Variants in MCM5 observed in about 807,000 individuals in gnomAD.
MCM5 encodes the protein DNA replication licensing factor MCM5.
MCM5 carries 46 observed loss-of-function variants against 79.9 expected under a neutral mutation model. The ratio of observed to expected loss-of-function variants is 0.58; its 90% CI spans 0.45 to 0.74. MCM5 has a LOEUF of 0.74. Among genes scored for constraint, MCM5 ranks in the 30% least tolerant of loss-of-function variants. MCM5 has a pLI of 0.00. For synonymous variants in MCM5, 404 were observed against 390.5 expected, an observed-to-expected ratio of 1.03 and a Z score of -0.41; for missense variants, 883 against 1,017.0, an observed-to-expected ratio of 0.87 and a Z score of 1.79.
At chr22:35,403,567 G>GC (rs1932125781) in intron 4 of MCM5, 25 bp downstream of exon 4, 1 of 1,609,352 alleles carries the variant, frequency 6.2e-7, no homozygotes, top group African/African-American at 1.3e-5. Context: ...AGTGGCTGCT[G>GC]CATGGTGCAG....
the MCM5 span, among the ~76,000 whole-genome samples, chr22:35,453,088 G>A: frequency 6.6e-6 from 1 of 152,172 alleles, no homozygotes; most frequent in Non-Finnish European, 1.5e-5. Flanking sequence ...TGGGGAAGGG[G>A]CTCTCACTGG....
intron 13 of MCM5, among the ~76,000 whole-genome samples, chr22:35,418,308 C>T (rs1201112163): frequency 6.6e-6 from 1 of 152,136 alleles, no homozygotes; most frequent in Non-Finnish European, 1.5e-5. Flanking sequence ...TGGGTAAATA[C>T]TCAGTGAGTC....
At chr22:35,405,477 C>G (rs528763580) in intron 4 of MCM5, among the ~76,000 whole-genome samples, 4 of 151,970 alleles carry the variant, frequency 2.6e-5, no homozygotes, top group African/African-American at 7.2e-5. Flanking sequence ...AGCAATTCTC[C>G]GGCCTCAGCC....
At position 35,408,498 on chromosome 22, in the gene MCM5, G is replaced by C. The variant is rs1164403366; in HGVS notation, c.687G>C (p.Leu229=). Residue 229 remains leucine, a synonymous_variant, in exon 6 of 17, where the codon CTG becomes CTC. Transcript: ENST00000216122. ...CKCVDFQTLK[L]QELPDAVPHG... is the part of the protein sequence containing the mutation. Reference sequence around the variant, plus strand: ...GCGTGGACTTCCAGACCCTGAAGCTGCAGGAGCTGCCTGATGCAGTCCCCC... The same window carrying C: ...GCGTGGACTTCCAGACCCTGAAGCTCCAGGAGCTGCCTGATGCAGTCCCCC... The C allele has an allele frequency of 6.2e-7, 1 of 1,614,206 alleles. No homozygotes were observed. The highest frequency in any genetic ancestry group is 1.1e-5 in the South Asian group (1 of 91,078).
chr22:35,429,129 G>A (rs1932796947), downstream of MCM5, among the ~76,000 whole-genome samples: 2 of 151,938 alleles, frequency 1.3e-5, no homozygotes, highest in African/African-American at 4.8e-5. Flanking sequence ...GGGATTACAG[G>A]TGCCTGCCAC....
chr22:35,414,083 T>C, intron 9 of MCM5, 97 bp downstream of exon 9: 1 of 718,924 alleles, frequency 1.4e-6, no homozygotes, highest in Non-Finnish European at 2.5e-6. Flanking sequence ...GTGGGCTGGC[T>C]CACCCGGAAT....
chr22:35,445,769 C>T, the MCM5 span, among the ~76,000 whole-genome samples: 1 of 152,118 alleles, frequency 6.6e-6, no homozygotes, highest in Non-Finnish European at 1.5e-5. Flanking sequence ...CCTTGGCCTC[C>T]AAAAGTGCTG....
At chr22:35,414,543 C>G (rs890397407) in intron 9 of MCM5, among the ~76,000 whole-genome samples, 1 of 151,886 alleles carries the variant, frequency 6.6e-6, no homozygotes, top group Admixed American at 6.6e-5. Context: ...CACTTAAGCC[C>G]AGAACGGGGA....
At chr22:35,412,882 C>T (rs1932428088) in intron 8 of MCM5, among the ~76,000 whole-genome samples, 1 of 152,176 alleles carries the variant, frequency 6.6e-6, no homozygotes, top group South Asian at 2.1e-4. Flanking sequence ...GATGCCCTGA[C>T]CCTGGCAAGG....
intron 9 of MCM5, 56 bp from the exon 10 acceptor site, chr22:35,415,773 A>ATGG: frequency 1.3e-6 from 2 of 1,583,450 alleles, no homozygotes; most frequent in Non-Finnish European, 1.7e-6. Flanking sequence ...TTTTTGTCTT[A>ATGG]TGGGGGTCAA....
At chr22:35,404,769 G>T (rs1045943500) in intron 4 of MCM5, among the ~76,000 whole-genome samples, 2 of 152,134 alleles carry the variant, frequency 1.3e-5, no homozygotes, top group African/African-American at 2.4e-5. Context: ...CTCATGTCTG[G>T]TTCTCTCGTT....
chr22:35,446,559 G>A, the MCM5 span, among the ~76,000 whole-genome samples: 2 of 152,090 alleles, frequency 1.3e-5, no homozygotes, highest in Non-Finnish European at 2.9e-5. Flanking sequence ...TCTCGTGGGC[G>A]AGGCAGACAA....
chr22:35,452,579 C>CGGGCA, the MCM5 span, among the ~76,000 whole-genome samples: 4 of 152,140 alleles, frequency 2.6e-5, no homozygotes, highest in South Asian at 2.1e-4. Context: ...CGTCTGGCAG[C>CGGGCA]GGGCAGGGCA....
chr22:35,444,247 G>A, the MCM5 span, among the ~76,000 whole-genome samples: 1 of 151,574 alleles, frequency 6.6e-6, no homozygotes, highest in Admixed American at 6.6e-5. Flanking sequence ...AGGAAGTGGG[G>A]AGGAATTAAT....
chr22:35,433,256 T>C, the MCM5 span, among the ~76,000 whole-genome samples: 13 of 152,148 alleles, frequency 8.5e-5, no homozygotes, highest in African/African-American at 3.1e-4. Context: ...CTTTGCATGA[T>C]AGAACTTCAA....
At chr22:35,426,776 G>A (rs550250931), downstream of MCM5, among the ~76,000 whole-genome samples, 14 of 152,224 alleles carry the variant, frequency 9.2e-5, no homozygotes, top group Admixed American at 2.6e-4. Flanking sequence ...CTGCCATCTC[G>A]GATTTCACCT....
the MCM5 span, among the ~76,000 whole-genome samples, chr22:35,436,177 A>AAAG: frequency 7.7e-6 from 1 of 130,474 alleles, no homozygotes; most frequent in African/African-American, 2.6e-5. Context: ...AAAAAAAAAA[A>AAAG]AAAAAAGAAA....
At position 35,406,647 on chromosome 22, in the gene MCM5, G is replaced by A. The variant is rs1270174624; in HGVS notation, c.518G>A (p.Arg173His). ...GCCACCCGCATCTCTATCCAGTGCC[G>A]CAGCTGCCGCAACACCCTCACCAAC... ...AKATRISIQC[R>H]SCRNTLTNIA... Residue 173 changes from arginine (R) to histidine (H), a missense_variant, in exon 5 of 17, where the codon CGC becomes CAC. Arg to His is a conservative substitution (Grantham distance 29). Coordinates refer to ENST00000216122, the MANE Select transcript of MCM5 (RefSeq NM_006739.4). 6.8e-6 allele frequency: 11 copies of A among 1,612,180 alleles called. No individual in the cohort carries two copies. Among genetic ancestry groups the A allele is most frequent in the East Asian group, 4.5e-5 (2 of 44,898 alleles).
rs143334127 is a variant in MCM5 at position 35,408,428 on chromosome 22, A to G, written c.617A>G (p.Lys206Arg). 5 of 1,613,912 alleles carry G rather than the reference A, an allele frequency of 3.1e-6. No individual in the cohort carries two copies. Among genetic ancestry groups the G allele is most frequent in the Non-Finnish European group, 3.4e-6 (4 of 1,179,922 alleles). ...KCNTDQAGRP[K>R]CPLDPYFIMP... Reference sequence around the variant, plus strand: ...TACAGAGATCAGGCTGGGCGCCCCAAATGCCCATTGGACCCGTACTTCATC... The same window carrying G: ...TACAGAGATCAGGCTGGGCGCCCCAGATGCCCATTGGACCCGTACTTCATC... The change falls in exon 6 of 17, where the codon AAA (lysine) becomes AGA (arginine). Residue 206 changes from lysine (K) to arginine (R), a missense_variant. This residue lies in a region of MCM5 where 455 missense variants were observed against 517.5 expected (regional missense o/e 0.88). Coordinates refer to ENST00000216122, the MANE Select transcript of MCM5 (RefSeq NM_006739.4).
Sources: gnomAD v4.1 joint callset for allele counts (sites outside exome capture counted in the v4.1 genomes callset) on GRCh38, gnomAD v4.1.1 for gene constraint, gnomAD v4.1.1 regional missense constraint, MANE v1.5 for transcripts, NCBI Gene and HGNC (gene_info 2026-07-23, HGNC 2026-07-21) for gene names.